The following KLHL7 variants were observed in gnomAD, a reference collection of about 807,000 sequenced individuals.
KLHL7 encodes the protein kelch like family member 7, also known as kelch-like protein 7.
KLHL7 carries 44 observed loss-of-function variants against 67.4 expected under a neutral mutation model. The observed-to-expected ratio is 0.65, with a 90% CI of 0.51 to 0.84. The LOEUF is 0.84. KLHL7 is among the 40% of genes least tolerant of loss of function. The pLI is 0.00. For synonymous variants in KLHL7, 252 were observed against 243.3 expected (o/e 1.04, Z -0.33); for missense variants, 362 against 718.1 (o/e 0.50, Z 5.67).
chr7:23,149,440 CT>C (rs1289218744), intron 6 of KLHL7, among the ~76,000 whole-genome samples: 8 of 152,170 alleles, frequency 5.3e-5, no homozygotes, highest in African/African-American at 1.9e-4. Context: ...TCCCTCCTAC[CT>C]TTCTCTTACT....
At chr7:23,140,189 G>A (rs1386777841) in intron 4 of KLHL7, among the ~76,000 whole-genome samples, 1 of 152,178 alleles carries the variant, frequency 6.6e-6, no homozygotes, top group Admixed American at 6.5e-5. Flanking sequence ...TTTAAAATTT[G>A]TCTGCAAGAG....
chr7:23,174,314 CAGACTCATCAG>C lies in KLHL7; in HGVS notation c.*23_*33del, dbSNP rs3217004. ...TGAAACATGAAAAATGAGTGGACTTCAGACTCATCAGAGACTCTAAAATATAGCCACCAGTG... is the reference window on the plus strand; with the variant it reads ...TGAAACATGAAAAATGAGTGGACTTCAGACTCTAAAATATAGCCACCAGTG... On this transcript the variant is annotated 3_prime_UTR_variant, in exon 11 of 11. Transcript: ENST00000339077. 5.2e-3 allele frequency: 8,454 copies of C among 1,612,958 alleles called. 306 individuals carry two copies. In the East Asian group the frequency reaches 0.11, roughly 20 times the overall value.
At chr7:23,143,632 A>G (rs1012645027) in intron 5 of KLHL7, among the ~76,000 whole-genome samples, 7 of 152,124 alleles carry the variant, frequency 4.6e-5, no homozygotes, top group African/African-American at 1.4e-4. Flanking sequence ...ATTACACTAC[A>G]TAATAGTAGT....
At chr7:23,125,733 T>G in intron 4 of KLHL7, 1 of 1,467,790 alleles carries the variant, frequency 6.8e-7, no homozygotes, top group Non-Finnish European at 9.0e-7. Context: ...TTGAAGCTAT[T>G]AATAAAGTAT....
chr7:23,140,467 G>C (rs1313833695), intron 4 of KLHL7, among the ~76,000 whole-genome samples: 1 of 152,176 alleles, frequency 6.6e-6, no homozygotes, highest in African/African-American at 2.4e-5. Context: ...TGAGGCAGGA[G>C]AATAGCGTGA....
chr7:23,120,351 A>T (rs933134021), intron 1 of KLHL7, among the ~76,000 whole-genome samples: 2 of 152,180 alleles, frequency 1.3e-5, no homozygotes, highest in African/African-American at 2.4e-5. Flanking sequence ...AACATGTCTG[A>T]TGTTTCACTA....
chr7:23,125,928 T>C (rs1470267485), intron 4 of KLHL7: 7 of 1,286,040 alleles, frequency 5.4e-6, no homozygotes, highest in South Asian at 1.3e-5. Context: ...CTGCAGATAG[T>C]ACTGAATCCT....
chr7:23,177,512 C>G lies in KLHL7; in HGVS notation c.*3214C>G, dbSNP rs1346826659. On this transcript the variant is annotated 3_prime_UTR_variant, in exon 11 of 11. Coordinates refer to ENST00000339077, the MANE Select transcript of KLHL7 (RefSeq NM_001031710.3). Reference sequence around the variant, plus strand: ...TCTTTTTCTGCCTTGGAAATTTCTACAGAATTGTCAATATCAGGATAGTGC... The same window carrying G: ...TCTTTTTCTGCCTTGGAAATTTCTAGAGAATTGTCAATATCAGGATAGTGC... 6.6e-6 allele frequency: 1 copy of G among 152,096 alleles called. No individual in the cohort carries two copies. The highest frequency in any genetic ancestry group is 1.5e-5 in the Non-Finnish European group (1 of 68,022). 9.4% of individuals were successfully genotyped at this position (152,096 alleles called of 1,614,324 possible).
intron 4 of KLHL7, among the ~76,000 whole-genome samples, chr7:23,138,038 T>G (rs546979678): frequency 1.4e-4 from 21 of 151,416 alleles, no homozygotes; most frequent in Non-Finnish European, 1.5e-4. Context: ...TAGCCTGGCG[T>G]GCTGGTTGGT....
chr7:23,177,244 C>G lies in KLHL7; in HGVS notation c.*2946C>G, dbSNP rs1251594392. On this transcript the variant is annotated 3_prime_UTR_variant, in exon 11 of 11. Transcript: ENST00000339077. ...TTTTGCACTCTATTGAAAAATGTGG[C>G]TAGTTTAATTTTTTGAGAGTGAAAT... 3 of 152,116 alleles carry G rather than the reference C, an allele frequency of 2.0e-5. No homozygotes were observed. Among genetic ancestry groups the G allele is most frequent in the African/African-American group, 7.2e-5 (3 of 41,426 alleles). The allele number at this position is 152,116 out of a possible 1,614,324, so 9.4% of individuals were successfully genotyped here.
chr7:23,118,056 T>G (rs539539571), intron 1 of KLHL7: 9 of 1,471,578 alleles, frequency 6.1e-6, no homozygotes, highest in Non-Finnish European at 8.5e-6. Flanking sequence ...ACAGCACATG[T>G]GATTAAAAGC....
intron 1 of KLHL7, among the ~76,000 whole-genome samples, chr7:23,121,782 A>C (rs1456208297): frequency 6.7e-6 from 1 of 148,216 alleles, no homozygotes; most frequent in Non-Finnish European, 1.5e-5. Context: ...TCCTGGGTTC[A>C]TGCCGTTCTC....
At chr7:23,130,047 C>G (rs958360178) in intron 4 of KLHL7, among the ~76,000 whole-genome samples, 2 of 152,104 alleles carry the variant, frequency 1.3e-5, no homozygotes, top group Admixed American at 1.3e-4. Flanking sequence ...GGTACTGATT[C>G]ATCTTTTGAA....
At chr7:23,156,196 T>C (rs1784700829) in intron 7 of KLHL7, 1 of 194,868 alleles carries the variant, frequency 5.1e-6, no homozygotes, top group Non-Finnish European at 1.1e-5. Context: ...ATTTCATTGG[T>C]GACAGGAGGC....
intron 9 of KLHL7, chr7:23,172,729 G>T: frequency 2.1e-6 from 1 of 467,724 alleles, no homozygotes; most frequent in South Asian, 3.0e-5. Flanking sequence ...TATCCTATCA[G>T]AATTGAAAGG....
intron 4 of KLHL7, chr7:23,129,318 C>G (rs1783706962): frequency 1.5e-5 from 5 of 326,420 alleles, no homozygotes; most frequent in South Asian, 1.2e-4. Flanking sequence ...GGACAACATG[C>G]TACAGGGCAC....
rs571357311 is a variant in KLHL7, at chr7:23,167,774, A to C, written c.1178-62A>C. The C allele has an allele frequency of 7.0e-6, 10 of 1,438,322 alleles. No homozygotes were observed. In the African/African-American group the frequency reaches 9.8e-5, roughly 14 times the overall value. 89.1% of individuals were successfully genotyped at this position (1,438,322 alleles called of 1,614,324 possible). On this transcript the variant is annotated intron_variant, in intron 8 of 10. Transcript: ENST00000339077. ...TCCTTAACTAATAAGATCTACAGTC[A>C]GTTCTTTCCAAACCCCCGCACACAC... is the stretch of plus-strand genomic sequence containing the variant.
chr7:23,154,311 C>T (rs191763354), intron 7 of KLHL7, among the ~76,000 whole-genome samples: 27 of 152,196 alleles, frequency 1.8e-4, no homozygotes, highest in Admixed American at 1.0e-3. Context: ...GCTGAGATCA[C>T]GCCACGGCAC....
At chr7:23,119,012 A>G (rs772062190) in intron 1 of KLHL7, among the ~76,000 whole-genome samples, 4 of 152,162 alleles carry the variant, frequency 2.6e-5, no homozygotes, top group Admixed American at 1.3e-4. Context: ...TCGAGGCTGC[A>G]GTAAGCCGAG....
Sources: gnomAD v4.1 joint callset for allele counts (sites outside exome capture counted in the v4.1 genomes callset) on GRCh38, gnomAD v4.1.1 for gene constraint, MANE v1.5 for transcripts, NCBI Gene and HGNC (gene_info 2026-07-23, HGNC 2026-07-21) for gene names.